DLG1: variants seen among roughly 807,000 people sequenced by gnomAD.
DLG1 encodes discs large MAGUK scaffold protein 1.
DLG1 carries 42 observed loss-of-function variants against 123.4 expected under a neutral mutation model. That is an observed-to-expected ratio of 0.34 (90% CI 0.27 to 0.44). The LOEUF is 0.44. DLG1 is among the 20% of genes least tolerant of loss of function. The pLI is 1.00. For missense variants in DLG1, 942 were observed against 1,082.6 expected (o/e 0.87, Z 1.82); for synonymous variants, 317 against 356.2 (o/e 0.89, Z 1.24).
intron 1 of DLG1, chr3:197,297,585 C>T (rs1196261508): frequency 7.5e-5 from 77 of 1,027,806 alleles, no homozygotes; most frequent in Non-Finnish European, 8.8e-5. Context: ...CGACCCTTGG[C>T]CCCTGAGCCA....
rs1189992326 is a variant in DLG1, at chr3:197,076,726, T to C, written c.1906-41A>G. 4 of 1,502,034 alleles carry C rather than the reference T, an allele frequency of 2.7e-6. No individual in the cohort carries two copies. In the African/African-American group the frequency reaches 5.5e-5, roughly 21 times the overall value. 93.0% of individuals were successfully genotyped at this position (1,502,034 alleles called of 1,614,324 possible). A position where few individuals can be genotyped will look rare whatever the true frequency, so the allele number is the denominator to read the frequency against. ...AGGGGCAAAACAAAGGGATGTCTAC[T>C]GTCTGTGTGTACAAAGGCCCAGCCT... On this transcript the variant is annotated intron_variant, in intron 17 of 24. Coordinates refer to ENST00000667157, the MANE Select transcript of DLG1 (RefSeq NM_001366207.1).
At chr3:197,242,617 A>G (rs996806576) in intron 4 of DLG1, among the ~76,000 whole-genome samples, 14 of 152,248 alleles carry the variant, frequency 9.2e-5, no homozygotes, top group Middle Eastern at 3.4e-3. Context: ...ATAAAAATAC[A>G]TATCAATAAA....
intron 3 of DLG1, among the ~76,000 whole-genome samples, chr3:197,283,856 G>GTTTTTTTTTTTTTTTTTTTTTT (rs1351405857): frequency 7.3e-6 from 1 of 136,864 alleles, no homozygotes; most frequent in African/African-American, 2.7e-5. Flanking sequence ...TTTCAGTTGG[G>GTTTTTTTTTTTTTTTTTTTTTT]TTGTTTTTTT....
At chr3:197,269,248 C>T (rs928887906) in intron 4 of DLG1, among the ~76,000 whole-genome samples, 2 of 152,128 alleles carry the variant, frequency 1.3e-5, no homozygotes, top group African/African-American at 4.8e-5. Flanking sequence ...ACCAGCATCA[C>T]CACAAACACT....
intron 19 of DLG1, chr3:197,068,482 CTG>C: frequency 1.3e-6 from 2 of 1,524,070 alleles, no homozygotes; most frequent in South Asian, 1.1e-5. Context: ...GTATTAGGGA[CTG>C]ATATTAACAG....
At chr3:197,252,652 T>C (rs338202) in intron 4 of DLG1, among the ~76,000 whole-genome samples, 20,862 of 151,898 alleles carry the variant, frequency 0.14, 1,790 homozygotes, top group South Asian at 0.35. Flanking sequence ...ATGAAAAGAG[T>C]CTGTAGATGG....
At chr3:197,198,122 TCAAAA>T (rs527404506) in intron 4 of DLG1, among the ~76,000 whole-genome samples, 21 of 132,646 alleles carry the variant, frequency 1.6e-4, no homozygotes, top group South Asian at 7.3e-4. Flanking sequence ...ATTGGACTCA[TCAAAA>T]CAAAACAAAA....
chr3:197,177,806 T>C (rs910759889), intron 5 of DLG1, among the ~76,000 whole-genome samples: 4 of 152,168 alleles, frequency 2.6e-5, no homozygotes, highest in Non-Finnish European at 5.9e-5. Flanking sequence ...CCCTACCTCA[T>C]TTCCTTGTGT....
intron 4 of DLG1, among the ~76,000 whole-genome samples, chr3:197,266,058 AC>A (rs900796772): frequency 1.4e-4 from 21 of 152,336 alleles, no homozygotes; most frequent in African/African-American, 3.8e-4. Flanking sequence ...TCAAAAACAA[AC>A]AAAAAAGCAG....
At chr3:197,096,667 T>C (rs371775761) in intron 14 of DLG1, among the ~76,000 whole-genome samples, 47 of 152,394 alleles carry the variant, frequency 3.1e-4, no homozygotes, top group African/African-American at 1.1e-3. Context: ...TAGTCAAATT[T>C]AGTTTTTAAA....
intron 12 of DLG1, among the ~76,000 whole-genome samples, chr3:197,118,468 A>G (rs1269277405): frequency 6.6e-6 from 1 of 152,176 alleles, no homozygotes. Flanking sequence ...TTTATGAAAG[A>G]AAAGAGACAA....
At chr3:197,185,089 G>A (rs1418473878) in intron 5 of DLG1, among the ~76,000 whole-genome samples, 1 of 152,084 alleles carries the variant, frequency 6.6e-6, no homozygotes, top group Non-Finnish European at 1.5e-5. Context: ...TACAACAATG[G>A]TCATTTTAAA....
rs943509629 is a variant in DLG1, at chr3:197,091,191, AATT to A, written c.1547-168_1547-166del. On this transcript the variant is annotated intron_variant, in intron 14 of 24. Transcript: ENST00000667157. The stretch of plus-strand genomic sequence containing the variant: ...GCCCAACACATAAATTTCAAAAAAA[AATT>A]ATTAATAACCTAAATGTACCATAAA... Among the ~76,000 whole-genome samples the A allele has an allele frequency of 8.2e-4, 125 of 152,200 alleles. 1 individual carries two copies. Among genetic ancestry groups the A allele is most frequent in the African/African-American group, 2.8e-3 (117 of 41,570 alleles).
intron 4 of DLG1, among the ~76,000 whole-genome samples, chr3:197,241,253 T>C (rs935861110): frequency 2.6e-5 from 4 of 152,022 alleles, no homozygotes; most frequent in Admixed American, 6.6e-5. Context: ...ATTTTTAATG[T>C]GCTCAAAGAA....
intron 5 of DLG1, among the ~76,000 whole-genome samples, chr3:197,169,131 C>T (rs1470886954): frequency 6.6e-6 from 1 of 152,134 alleles, no homozygotes; most frequent in East Asian, 1.9e-4. Flanking sequence ...TCTGAACACT[C>T]ACTACATACA....
At chr3:197,202,286 CAAAA>C (rs1306291927) in intron 4 of DLG1, among the ~76,000 whole-genome samples, 1 of 151,654 alleles carries the variant, frequency 6.6e-6, no homozygotes, top group African/African-American at 2.4e-5. Context: ...CTGAGGAAGA[CAAAA>C]AACTTCCAAA....
intron 11 of DLG1, among the ~76,000 whole-genome samples, chr3:197,126,116 G>T (rs1449997771): frequency 6.6e-6 from 1 of 152,142 alleles, no homozygotes; most frequent in Non-Finnish European, 1.5e-5. Flanking sequence ...TGATCAAGTT[G>T]AAACTGCAAG....
At chr3:197,276,852 C>T (rs1047653924) in intron 4 of DLG1, among the ~76,000 whole-genome samples, 1 of 151,946 alleles carries the variant, frequency 6.6e-6, no homozygotes, top group African/African-American at 2.4e-5. Flanking sequence ...AAAAGCCTTC[C>T]TTATTAAAAA....
intron 4 of DLG1, among the ~76,000 whole-genome samples, chr3:197,244,804 A>G (rs1182996149): frequency 2.0e-5 from 3 of 152,118 alleles, no homozygotes; most frequent in African/African-American, 7.2e-5. Flanking sequence ...TGATGAGAAC[A>G]TCATCCCCAG....
Sources: allele counts gnomAD v4.1 joint callset (sites outside exome capture counted in the v4.1 genomes callset), GRCh38; gene constraint gnomAD v4.1.1; transcripts MANE v1.5; gene names NCBI Gene and HGNC (gene_info 2026-07-23, HGNC 2026-07-21).